NDUFV2: variants seen among roughly 807,000 people sequenced by gnomAD.
The protein encoded by NDUFV2 is NADH dehydrogenase [ubiquinone] flavoprotein 2, mitochondrial.
Under a neutral mutation model 31.6 loss-of-function variants are expected in NDUFV2, and 18 were observed. That is an observed-to-expected ratio of 0.57 (90% confidence interval 0.39 to 0.84). NDUFV2 has a LOEUF of 0.84. Ranked by LOEUF, NDUFV2 falls within the 40% of genes least tolerant of loss-of-function variation. The pLI, the probability that NDUFV2 is intolerant of heterozygous loss-of-function variation, is 0.00. For synonymous variants in NDUFV2, 83 were observed against 99.8 expected, an observed-to-expected ratio of 0.83 and a Z score of 1.01; for missense variants, 314 against 303.6, an observed-to-expected ratio of 1.03 and a Z score of -0.26.
chr18:9,117,433 C>A, intron 1 of NDUFV2: 1 of 223,244 alleles, frequency 4.5e-6, no homozygotes, highest in Non-Finnish European at 9.1e-6. Flanking sequence ...GTATATGACT[C>A]ATTTGTACAG....
chr18:9,111,766 A>G (rs1425207484), intron 1 of NDUFV2, among the ~76,000 whole-genome samples: 1 of 151,860 alleles, frequency 6.6e-6, no homozygotes, highest in African/African-American at 2.4e-5. Flanking sequence ...AACCCTATGA[A>G]GTACATGCCG....
intron 7 of NDUFV2, among the ~76,000 whole-genome samples, chr18:9,130,622 CAG>C (rs1458638969): frequency 1.3e-5 from 2 of 152,126 alleles, no homozygotes; most frequent in Non-Finnish European, 2.9e-5. Context: ...AGGATAATGA[CAG>C]AGACTGGGAT....
intron 2 of NDUFV2, among the ~76,000 whole-genome samples, chr18:9,118,333 A>C (rs541085635): frequency 2.0e-4 from 31 of 152,172 alleles, no homozygotes; most frequent in South Asian, 8.3e-4. Context: ...TTAACTATAA[A>C]TAGAAGTCTG....
At chr18:9,111,150 A>G (rs75570530) in intron 1 of NDUFV2, among the ~76,000 whole-genome samples, 1,641 of 152,278 alleles carry the variant, frequency 0.011, 37 homozygotes, top group African/African-American at 0.038. Flanking sequence ...TCAGGTGGCT[A>G]ATAATAAGGT....
chr18:9,129,130 G>A (rs1367767826), intron 7 of NDUFV2, among the ~76,000 whole-genome samples: 4 of 152,096 alleles, frequency 2.6e-5, no homozygotes, highest in Non-Finnish European at 5.9e-5. Flanking sequence ...TAGTAGAGAC[G>A]GGGTTTTACC....
At chr18:9,105,229 A>G (rs2077835818) in intron 1 of NDUFV2, among the ~76,000 whole-genome samples, 1 of 152,240 alleles carries the variant, frequency 6.6e-6, no homozygotes, top group Non-Finnish European at 1.5e-5. Flanking sequence ...ACCTTTAAAG[A>G]TTATTTACGC....
At chr18:9,108,582 G>C (rs2077853336) in intron 1 of NDUFV2, among the ~76,000 whole-genome samples, 1 of 151,924 alleles carries the variant, frequency 6.6e-6, no homozygotes, top group African/African-American at 2.4e-5. Context: ...CTGACATAGA[G>C]TAAGCATTTG....
In NDUFV2 at chr18:9,102,758, G is replaced by A. The variant is rs746186071; in HGVS notation, c.15G>A (p.Ala5=). 3 of 1,587,548 alleles carry A rather than the reference G, an allele frequency of 1.9e-6. No homozygotes were observed. Among genetic ancestry groups the A allele is most frequent in the African/African-American group, 2.7e-5 (2 of 74,018 alleles). Residue 5 remains alanine, a synonymous_variant, in exon 1 of 8, where the codon GCG becomes GCA. Coordinates refer to ENST00000318388, the MANE Select transcript of NDUFV2 (RefSeq NM_021074.5). Reference sequence around the variant, plus strand: ...TGTGGCCCGCCATGTTCTTCTCCGCGGCGCTCCGGGCCCGGGCGGCTGGCC... The same window carrying A: ...TGTGGCCCGCCATGTTCTTCTCCGCAGCGCTCCGGGCCCGGGCGGCTGGCC... MFFS[A]ALRARAAGLT...
chr18:9,130,615 A>C (rs1001137145), intron 7 of NDUFV2, among the ~76,000 whole-genome samples: 1 of 152,220 alleles, frequency 6.6e-6, no homozygotes, highest in African/African-American at 2.4e-5. Flanking sequence ...GATATATAGG[A>C]TAATGACAGA....
In NDUFV2 at chr18:9,122,546, G is replaced by A. The variant is rs1360526985; in HGVS notation, c.334G>A (p.Val112Ile). 1 of 1,613,880 alleles carries A rather than the reference G, an allele frequency of 6.2e-7. No individual in the cohort carries two copies. The highest frequency in any genetic ancestry group is 1.3e-5 in the African/African-American group (1 of 75,036). Residue 112 changes from valine to isoleucine, a missense_variant, in exon 5 of 8, where the codon GTA (valine) becomes ATA (isoleucine). Val to Ile is a conservative substitution (Grantham distance 29). Coordinates refer to ENST00000318388, the MANE Select transcript of NDUFV2 (RefSeq NM_021074.5). ...AEVLQVPPMRVYEVATFYTMY... is the reference protein window; with the variant it reads ...AEVLQVPPMRIYEVATFYTMY... ...AGTTTTACAAGTACCTCCAATGAGA[G>A]TATATGAAGTAGCAACTTTTTATAC...
chr18:9,114,659 A>C (rs2077889160), intron 1 of NDUFV2, among the ~76,000 whole-genome samples: 1 of 152,220 alleles, frequency 6.6e-6, no homozygotes, highest in African/African-American at 2.4e-5. Flanking sequence ...AGTAAGTGGC[A>C]GAATGGTAAT....
intron 7 of NDUFV2, among the ~76,000 whole-genome samples, chr18:9,132,835 A>G (rs2078051611): frequency 6.6e-6 from 1 of 152,222 alleles, no homozygotes; most frequent in Non-Finnish European, 1.5e-5. Flanking sequence ...TTATTGCATC[A>G]CTGCATCCCA....
In NDUFV2 at chr18:9,126,882, G is replaced by A; in HGVS notation, c.631G>A (p.Gly211Ser). 2 of 1,613,868 alleles carry A rather than the reference G, an allele frequency of 1.2e-6. No homozygotes were observed. The highest frequency in any genetic ancestry group is 8.5e-7 in the Non-Finnish European group (1 of 1,179,860). The change falls in exon 7 of 8, where the codon GGC becomes AGC. Residue 211 changes from glycine to serine, a missense_variant. Physicochemically the swap from Gly to Ser is moderately conservative, Grantham distance 56 (BLOSUM62 0). Transcript: ENST00000318388. ...IEEIIDELKA[G>S]KIPKPGPRSG... ...AGAAATTATTGATGAGCTCAAGGCTGGCAAAATCCCAAAACCAGGGCCAAG... is the reference window on the plus strand; with the variant it reads ...AGAAATTATTGATGAGCTCAAGGCTAGCAAAATCCCAAAACCAGGGCCAAG...
chr18:9,110,110 A>G (rs2077862551), intron 1 of NDUFV2, among the ~76,000 whole-genome samples: 1 of 151,744 alleles, frequency 6.6e-6, no homozygotes, highest in African/African-American at 2.4e-5. Context: ...AGAAAAGACT[A>G]GACTGTACTC....
At chr18:9,113,583 C>CA (rs111667284) in intron 1 of NDUFV2, among the ~76,000 whole-genome samples, 3 of 152,080 alleles carry the variant, frequency 2.0e-5, no homozygotes, top group African/African-American at 4.8e-5. Flanking sequence ...TTTCTGCCTC[C>CA]AAAAAAAGAA....
At chr18:9,124,723 C>T in intron 5 of NDUFV2, 151 bp from the exon 6 acceptor site, 1 of 655,504 alleles carries the variant, frequency 1.5e-6, no homozygotes, top group Non-Finnish European at 2.5e-6. Context: ...GCTGGGATTA[C>T]AGGCGTGAGC....
rs1450644540 is a variant in NDUFV2, at chr18:9,119,373, A to G, written c.168A>G (p.Thr56=). Residue 56 remains threonine, a synonymous_variant, in exon 3 of 8, where the codon ACA becomes ACG. Transcript: ENST00000318388. ...ENNPDTPFDF[T]PENYKRIEAI... Reference sequence around the variant, plus strand: ...ACCCTGATACTCCATTTGATTTCACACCAGAAAACTATAAGGTATGGCTAA... The same window carrying G: ...ACCCTGATACTCCATTTGATTTCACGCCAGAAAACTATAAGGTATGGCTAA... The G allele has an allele frequency of 2.5e-6, 4 of 1,612,254 alleles. No individual in the cohort carries two copies.
Position 9,102,789 on chromosome 18 carries a change from G to A in NDUFV2, c.46G>A (p.Ala16Thr), listed in dbSNP as rs765504285. The A allele has an allele frequency of 1.7e-5, 26 of 1,573,102 alleles. No individual in the cohort carries two copies. The African/African-American group carries it at 2.8e-4, about 17-fold the overall frequency. ...ALRARAAGLT[A>T]HWGRHVRNLH... is the part of the protein sequence containing the mutation. ...CCGGGCCCGGGCGGCTGGCCTCACC[G>A]CCCACTGGGTAAGGAGGCTCAAGCT... The change falls in exon 1 of 8, where the codon GCC (alanine) becomes ACC (threonine). Residue 16 changes from alanine to threonine, a missense_variant. Coordinates refer to ENST00000318388, the MANE Select transcript of NDUFV2 (RefSeq NM_021074.5).
chr18:9,125,798 G>T (rs1404259504), intron 6 of NDUFV2, among the ~76,000 whole-genome samples: 7 of 152,152 alleles, frequency 4.6e-5, no homozygotes, highest in African/African-American at 1.7e-4. Flanking sequence ...GCTCCTGGCA[G>T]TACTGCTGGC....
Sources: allele counts gnomAD v4.1 joint callset (sites outside exome capture counted in the v4.1 genomes callset), GRCh38; gene constraint gnomAD v4.1.1; transcripts MANE v1.5; gene names NCBI Gene and HGNC (gene_info 2026-07-23, HGNC 2026-07-21).